Variants in GPHN observed in about 807,000 individuals in gnomAD.
The protein encoded by GPHN is gephyrin.
In GPHN, 17 loss-of-function variants were observed where a neutral mutation model predicts 95.5. That is an observed-to-expected ratio of 0.18 (90% CI 0.12 to 0.27). The LOEUF (loss-of-function observed/expected upper bound fraction) is 0.27, where lower values mean the gene tolerates loss of function less well. GPHN is among the 10% of genes least tolerant of loss of function. The pLI, the probability that GPHN is intolerant of heterozygous loss-of-function variation, is 1.00. For missense variants in GPHN, 660 were observed against 978.1 expected (o/e 0.67, Z 4.34); for synonymous variants, 320 against 322.5 (o/e 0.99, Z 0.08).
chr14:66,688,087 C>T (rs534982109), intron 2 of GPHN, among the ~76,000 whole-genome samples: 2 of 152,268 alleles, frequency 1.3e-5, no homozygotes, highest in African/African-American at 2.4e-5. Flanking sequence ...ACATATTTTA[C>T]ATACGTATTA....
chr14:67,557,373 C>G, the GPHN span: 2 of 1,613,870 alleles, frequency 1.2e-6, no homozygotes, highest in Non-Finnish European at 1.7e-6. Context: ...CCATAAAGGG[C>G]AAAGATGAGC....
chr14:67,721,204 T>C, the GPHN span, among the ~76,000 whole-genome samples: 1 of 152,190 alleles, frequency 6.6e-6, no homozygotes, highest in Non-Finnish European at 1.5e-5. Flanking sequence ...AAATTATTCC[T>C]GGGGTCCTGT....
At chr14:67,493,534 T>C in the GPHN span, among the ~76,000 whole-genome samples, 1 of 152,248 alleles carries the variant, frequency 6.6e-6, no homozygotes, top group East Asian at 1.9e-4. Context: ...ATTGCCTTGC[T>C]GAGAAAACTT....
At chr14:67,734,878 G>A in the GPHN span, among the ~76,000 whole-genome samples, 2 of 152,260 alleles carry the variant, frequency 1.3e-5, no homozygotes, top group East Asian at 1.9e-4. Context: ...ATTTCCTGCC[G>A]CCCTCAGCAA....
chr14:67,561,872 A>G, the GPHN span: 1 of 640,058 alleles, frequency 1.6e-6, no homozygotes. Context: ...CCTGTCTCAA[A>G]AAAAAAAAAA....
At chr14:67,704,067 G>A in the GPHN span, among the ~76,000 whole-genome samples, 3 of 152,154 alleles carry the variant, frequency 2.0e-5, no homozygotes, top group Non-Finnish European at 4.4e-5. Flanking sequence ...TATGATCTCA[G>A]TAGTTCTATT....
chr14:67,260,273 G>C, the GPHN span, among the ~76,000 whole-genome samples: 1 of 152,140 alleles, frequency 6.6e-6, no homozygotes, highest in Non-Finnish European at 1.5e-5. Flanking sequence ...TCTGATCTTG[G>C]AAGCTAAGCA....
chr14:66,558,157 C>G (rs1400305439), intron 1 of GPHN, among the ~76,000 whole-genome samples: 1 of 151,936 alleles, frequency 6.6e-6, no homozygotes, highest in African/African-American at 2.4e-5. Context: ...GATGGGTCTC[C>G]AGTTGAAGAG....
chr14:66,936,255 T>G (rs2067129292), intron 8 of GPHN, among the ~76,000 whole-genome samples: 1 of 152,016 alleles, frequency 6.6e-6, no homozygotes, highest in African/African-American at 2.4e-5. Flanking sequence ...GGCGGGCACC[T>G]GTAATCCCAG....
At chr14:66,551,277 A>C (rs1266040770) in intron 1 of GPHN, 2 of 152,264 alleles carry the variant, frequency 1.3e-5, no homozygotes, top group African/African-American at 2.4e-5. Flanking sequence ...AAAAGCAGCC[A>C]GTTGGTCTTT....
At chr14:66,706,188 C>CA (rs1046285497) in intron 2 of GPHN, among the ~76,000 whole-genome samples, 72 of 152,206 alleles carry the variant, frequency 4.7e-4, no homozygotes, top group African/African-American at 1.7e-3. Flanking sequence ...AAAAACATTC[C>CA]ATGCTCATGG....
At chr14:66,667,316 A>G (rs1373512233) in intron 1 of GPHN, among the ~76,000 whole-genome samples, 1 of 152,226 alleles carries the variant, frequency 6.6e-6, no homozygotes, top group East Asian at 1.9e-4. Context: ...TAAAATTTGT[A>G]CTGAACCAAA....
chr14:67,139,264 C>T (rs1258903134), intron 17 of GPHN, among the ~76,000 whole-genome samples: 1 of 151,954 alleles, frequency 6.6e-6, no homozygotes, highest in African/African-American at 2.4e-5. Context: ...CACTACATCA[C>T]CCAGGCTAGA....
the GPHN span, among the ~76,000 whole-genome samples, chr14:67,498,173 T>C: frequency 6.6e-6 from 1 of 152,164 alleles, no homozygotes; most frequent in Non-Finnish European, 1.5e-5. Flanking sequence ...CTGTTCCCGA[T>C]CCATTCATTC....
chr14:66,876,175 G>A (rs551469311), intron 4 of GPHN, among the ~76,000 whole-genome samples: 161 of 152,206 alleles, frequency 1.1e-3, no homozygotes, highest in Middle Eastern at 3.4e-3. Flanking sequence ...AATTAAGGCA[G>A]AAATAAATAA....
At chr14:67,509,853 T>C in the GPHN span, among the ~76,000 whole-genome samples, 1 of 151,888 alleles carries the variant, frequency 6.6e-6, no homozygotes, top group Non-Finnish European at 1.5e-5. Context: ...TGTCTCCATA[T>C]AAACAATTTT....
chr14:67,499,234 C>A, the GPHN span, among the ~76,000 whole-genome samples: 2 of 151,998 alleles, frequency 1.3e-5, no homozygotes, highest in South Asian at 4.2e-4. Flanking sequence ...AAACTCCTGG[C>A]CTCAAGTGAT....
chr14:67,404,801 C>T, the GPHN span, among the ~76,000 whole-genome samples: 1 of 151,954 alleles, frequency 6.6e-6, no homozygotes, highest in East Asian at 1.9e-4. Context: ...CAGAGTGAGA[C>T]CCCATCTCAG....
At chr14:67,465,350 TA>T in the GPHN span, among the ~76,000 whole-genome samples, 1 of 128,666 alleles carries the variant, frequency 7.8e-6, no homozygotes, top group Non-Finnish European at 1.9e-5. Flanking sequence ...CAGGGAGAAC[TA>T]CAAGTCAGTC....
Sources: gnomAD v4.1 joint callset for allele counts (sites outside exome capture counted in the v4.1 genomes callset) on GRCh38, gnomAD v4.1.1 for gene constraint, MANE v1.5 for transcripts, NCBI Gene and HGNC (gene_info 2026-07-23, HGNC 2026-07-21) for gene names.